POU6F2: variants seen among roughly 807,000 people sequenced by gnomAD.
POU6F2 encodes the protein POU class 6 homeobox 2, also known as POU domain, class 6, transcription factor 2.
Under a neutral mutation model 71.3 loss-of-function variants are expected in POU6F2, and 31 were observed. That is an observed-to-expected ratio of 0.43 (90% CI 0.33 to 0.59). The LOEUF is 0.59. Among genes scored for constraint, POU6F2 ranks in the 20% least tolerant of loss-of-function variants. The pLI is 0.04. For synonymous variants in POU6F2, 347 were observed against 355.7 expected, an observed-to-expected ratio of 0.98 and a Z score of 0.27; for missense variants, 783 against 856.8, an observed-to-expected ratio of 0.91 and a Z score of 1.07.
At chr7:39,206,984 A>G in intron 3 of POU6F2, among the ~76,000 whole-genome samples, 1 of 152,214 alleles carries the variant, frequency 6.6e-6, no homozygotes, top group Non-Finnish European at 1.5e-5. Flanking sequence ...TTAATTTAAA[A>G]GTCAAAAGTA....
At chr7:39,358,589 G>T (rs1786306652) in intron 5 of POU6F2, among the ~76,000 whole-genome samples, 1 of 152,184 alleles carries the variant, frequency 6.6e-6, no homozygotes, top group African/African-American at 2.4e-5. Flanking sequence ...CTATAAAGTT[G>T]TAAACAATTT....
intron 4 of POU6F2, among the ~76,000 whole-genome samples, chr7:39,303,808 T>C (rs565779758): frequency 4.1e-4 from 63 of 152,354 alleles, no homozygotes; most frequent in Admixed American, 1.2e-3. Flanking sequence ...TAAGAAATTG[T>C]CTTATTAATT....
chr7:39,365,420 T>C (rs1027482197), intron 5 of POU6F2, among the ~76,000 whole-genome samples: 1 of 152,200 alleles, frequency 6.6e-6, no homozygotes, highest in Admixed American at 6.5e-5. Context: ...ATCTAAGACC[T>C]AAAACTACAA....
At chr7:39,116,174 C>T (rs529837479) in intron 2 of POU6F2, among the ~76,000 whole-genome samples, 5 of 152,222 alleles carry the variant, frequency 3.3e-5, no homozygotes, top group Admixed American at 3.3e-4. Flanking sequence ...CGCTTGAGCC[C>T]AGGAGTTCAA....
At chr7:39,270,674 C>T (rs577994722) in intron 4 of POU6F2, among the ~76,000 whole-genome samples, 42 of 152,226 alleles carry the variant, frequency 2.8e-4, no homozygotes, top group African/African-American at 9.1e-4. Flanking sequence ...TACAATGGAA[C>T]ATTGATTTTT....
intron 1 of POU6F2, among the ~76,000 whole-genome samples, chr7:39,062,629 GGGA>G (rs1052982011): frequency 3.4e-5 from 5 of 148,406 alleles, no homozygotes; most frequent in African/African-American, 1.3e-4. Context: ...TCAGGAAGAG[GGGA>G]GGAGAAGATC....
In POU6F2 at chr7:39,320,911, C is replaced by T. The variant is rs545922100; in HGVS notation, c.599-18731C>T. Among the ~76,000 whole-genome samples the T allele has an allele frequency of 8.5e-5, 13 of 152,132 alleles. No individual in the cohort carries two copies. In the South Asian group the frequency reaches 2.5e-3, roughly 29 times the overall value. ...CTCAACCAAAAATTTAAAAAATTAGCCAGGCATGGTGGCATGCACCTGTAG... is the reference window on the plus strand; with the variant it reads ...CTCAACCAAAAATTTAAAAAATTAGTCAGGCATGGTGGCATGCACCTGTAG... On this transcript the variant is annotated intron_variant, in intron 4 of 9. Coordinates refer to ENST00000518318, the MANE Select transcript of POU6F2 (RefSeq NM_001370959.1).
At chr7:39,421,611 A>G (rs1787852710) in intron 6 of POU6F2, among the ~76,000 whole-genome samples, 1 of 152,202 alleles carries the variant, frequency 6.6e-6, no homozygotes, top group Non-Finnish European at 1.5e-5. Flanking sequence ...GCAATTGCCA[A>G]ACATTTTCTT....
rs780449565 is a variant in POU6F2, at chr7:39,460,730, C to T, written c.1658+15C>T. On this transcript the variant is annotated intron_variant, in intron 9 of 9. Coordinates refer to ENST00000518318, the MANE Select transcript of POU6F2 (RefSeq NM_001370959.1). This position sits in a 1 kb window ranked among gnomAD's most constrained non-coding sequence, Gnocchi z 4.4. ...GCCATCTGCAGGTAACGCGCGCCTG[C>T]ATGCTGTCACCTCTTCTAGCCGCCC... The T allele has an allele frequency of 8.9e-6, 14 of 1,570,570 alleles. No homozygotes were observed. The South Asian group carries it at 1.4e-4, about 16-fold the overall frequency.
At chr7:39,045,486 C>T (rs1790274343) in intron 1 of POU6F2, among the ~76,000 whole-genome samples, 1 of 151,630 alleles carries the variant, frequency 6.6e-6, no homozygotes, top group Non-Finnish European at 1.5e-5. Flanking sequence ...TTCTTGATCT[C>T]TCTGACTTCC....
intron 2 of POU6F2, among the ~76,000 whole-genome samples, chr7:39,142,327 T>C (rs920011399): frequency 6.6e-6 from 1 of 152,204 alleles, no homozygotes; most frequent in Non-Finnish European, 1.5e-5. Flanking sequence ...CCGTGAGCCG[T>C]AGAAAAGAAT....
At chr7:39,147,229 T>G (rs1465239366) in intron 2 of POU6F2, among the ~76,000 whole-genome samples, 1 of 152,172 alleles carries the variant, frequency 6.6e-6, no homozygotes, top group African/African-American at 2.4e-5. Flanking sequence ...GTAATTGGGG[T>G]GTTTGCCACA....
intron 2 of POU6F2, among the ~76,000 whole-genome samples, chr7:39,122,190 A>G (rs1431125241): frequency 6.6e-6 from 1 of 152,248 alleles, no homozygotes; most frequent in African/African-American, 2.4e-5. Context: ...TACTTCCTGA[A>G]AGATGGACTA....
chr7:39,453,038 G>A (rs186966289), intron 8 of POU6F2, among the ~76,000 whole-genome samples: 62 of 152,340 alleles, frequency 4.1e-4, no homozygotes, highest in Admixed American at 1.5e-3. Context: ...GTTGCAGTGA[G>A]CTGAGATCGC....
Position 39,075,183 on chromosome 7 carries a change from A to G in POU6F2, c.106-10677A>G, listed in dbSNP as rs189931698. Among the ~76,000 whole-genome samples the G allele has an allele frequency of 6.6e-5, 10 of 152,278 alleles. No individual in the cohort carries two copies. The East Asian group carries it at 1.9e-3, about 29-fold the overall frequency. ...TGGACACTTAATTGCCACATGACAG[A>G]AAATTGTCTTAGCAATTTTACCATC... is the stretch of plus-strand genomic sequence containing the variant. On this transcript the variant is annotated intron_variant, in intron 1 of 9. Coordinates refer to ENST00000518318, the MANE Select transcript of POU6F2 (RefSeq NM_001370959.1).
chr7:39,052,080 C>T lies in POU6F2; in HGVS notation c.106-33780C>T, dbSNP rs923208029. Among the ~76,000 whole-genome samples the T allele has an allele frequency of 3.3e-5, 5 of 152,112 alleles. 1 individual carries two copies. Among genetic ancestry groups the T allele is most frequent in the Non-Finnish European group, 7.4e-5 (5 of 68,016 alleles). ...TGTCAGTGCTGAAACACCTTCCTAT[C>T]ACATAGCCTATGCAACTTTGGAGAG... On this transcript the variant is annotated intron_variant, in intron 1 of 9. Transcript: ENST00000518318.
chr7:39,265,119 A>G (rs527542478), intron 4 of POU6F2, among the ~76,000 whole-genome samples: 1 of 152,298 alleles, frequency 6.6e-6, no homozygotes, highest in East Asian at 1.9e-4. Flanking sequence ...TTGCTGTTTT[A>G]TAGAAAATAT....
rs1246162217 is a variant in POU6F2, at chr7:39,369,911, G to A, written c.972+29896G>A. Among the ~76,000 whole-genome samples the A allele has an allele frequency of 6.0e-5, 9 of 151,194 alleles. 1 individual carries two copies. The highest frequency in any genetic ancestry group is 1.9e-4 in the East Asian group (1 of 5,146). The stretch of plus-strand genomic sequence containing the variant: ...GTCTCACTATGTTGCCCAGGCTGGC[G>A]TCAAACTCCTGGGCTCAAGCAATAC... On this transcript the variant is annotated intron_variant, in intron 5 of 9. Transcript: ENST00000518318.
chr7:39,204,441 G>T, intron 3 of POU6F2, 115 bp downstream of exon 3: 1 of 794,648 alleles, frequency 1.3e-6, no homozygotes, highest in South Asian at 3.1e-5. Flanking sequence ...AGCAAAGATG[G>T]TAATAAATTT....
Sources: gnomAD v4.1 joint callset for allele counts (sites outside exome capture counted in the v4.1 genomes callset) on GRCh38, gnomAD v4.1.1 for gene constraint, Gnocchi (gnomAD v3.1) non-coding constraint, MANE v1.5 for transcripts, NCBI Gene and HGNC (gene_info 2026-07-23, HGNC 2026-07-21) for gene names.